The following SUPT20HL2 variants were observed in gnomAD, a reference collection of about 807,000 sequenced individuals.
SUPT20HL2 encodes SUPT20H like 2.
For synonymous variants in SUPT20HL2, 125 were observed against 51.6 expected (o/e 2.42, Z -6.10); for missense variants, 288 against 127.4 (o/e 2.26, Z -6.07).
In SUPT20HL2 at chrX:24,308,365, G is replaced by C. The variant is rs1178957625; in HGVS notation, c.*2497C>G. On this transcript the variant is annotated 3_prime_UTR_variant, in exon 1 of 1. Transcript: ENST00000486479. ...AAATTTGGTGACATACTGAATTCAG[G>C]TCACTGCTTAGCTCCGAAGGCCATG... The C allele has an allele frequency of 8.1e-6, 3 of 368,585 alleles. No homozygotes were observed. Among genetic ancestry groups the C allele is most frequent in the Admixed American group, 7.7e-5 (3 of 38,774 alleles). 30.4% of individuals were successfully genotyped at this position (368,585 alleles called of 1,213,427 possible). A position where few individuals can be genotyped will look rare whatever the true frequency, so the allele number is the denominator to read the frequency against.
chrX:24,309,746 G>GAAAAAAAAAAAAAAAAAA lies in SUPT20HL2; in HGVS notation c.*1098_*1115dup. On this transcript the variant is annotated 3_prime_UTR_variant, in exon 1 of 1. Transcript: ENST00000486479. Reference sequence around the variant, plus strand: ...AAAATAATAAAAATAAAAAAAAAAAGAAAAAAAAAAAAAAAAAAAAAAACA... The same window carrying GAAAAAAAAAAAAAAAAAA: ...AAAATAATAAAAATAAAAAAAAAAAGAAAAAAAAAAAAAAAAAAAAAAAAAAAAAAAAAAAAAAAAACA... Among the ~76,000 whole-genome samples the GAAAAAAAAAAAAAAAAAA allele has an allele frequency of 5.5e-4, 12 of 21,784 alleles. No individual in the cohort carries two copies. The highest frequency in any genetic ancestry group is 7.5e-4 in the Non-Finnish European group (11 of 14,579). 18.9% of individuals were successfully genotyped at this position (21,784 alleles called of 115,157 possible). A position where few individuals can be genotyped will look rare whatever the true frequency, so the allele number is the denominator to read the frequency against.
At position 24,312,440 on chromosome X, in the gene SUPT20HL2, C is replaced by T. The variant is rs148863411; in HGVS notation, c.876G>A (p.Thr292=). Residue 292 remains threonine, a synonymous_variant, in exon 1 of 1, where the codon ACG becomes ACA. Transcript: ENST00000486479. ...CCAAATCACAGGGTCTGCCTTTCCA[C>T]GTGTCTACACAACTTCCCGCTTTAG... ...NITKAGSCVD[T]WKGRPCDLAV... 0.015 allele frequency: 5,624 copies of T among 384,448 alleles called. 291 individuals are homozygous for T. Among genetic ancestry groups the T allele is most frequent in the African/African-American group, 0.13 (5,066 of 38,220 alleles). 31.7% of individuals were successfully genotyped at this position (384,448 alleles called of 1,213,427 possible).
chrX:24,314,044 G>C lies in SUPT20HL2; in HGVS notation c.-729C>G, dbSNP rs375203295. On this transcript the variant is annotated 5_prime_UTR_variant, in exon 1 of 1. Coordinates refer to ENST00000486479, the MANE Select transcript of SUPT20HL2 (RefSeq NM_001136233.3). Reference sequence around the variant, plus strand: ...GGGTGATTGTCGTGGCCTGGGCTTCGCGTCTCTGAGTGCTGCACCGGAAAT... The same window carrying C: ...GGGTGATTGTCGTGGCCTGGGCTTCCCGTCTCTGAGTGCTGCACCGGAAAT... 2.0e-4 allele frequency: 73 copies of C among 364,740 alleles called. No individual in the cohort carries two copies. The highest frequency in any genetic ancestry group is 3.4e-4 in the Non-Finnish European group (64 of 187,026). 30.1% of individuals were successfully genotyped at this position (364,740 alleles called of 1,213,427 possible).
Position 24,309,701 on chromosome X carries a change from AAATTAAAAAAAAAAAGAAAAAAATAAT to A in SUPT20HL2, c.*1134_*1160del. 2.4e-5 allele frequency among the ~76,000 whole-genome samples: 2 copies of A among 82,589 alleles called. No homozygotes were observed. Among genetic ancestry groups the A allele is most frequent in the Admixed American group, 1.4e-4 (1 of 7,389 alleles). The allele number at this position is 82,589 out of a possible 115,157, so 71.7% of individuals were successfully genotyped here. ...ATAAAAAAAAAAAAATTAAAAAAAA[AAATTAAAAAAAAAAAGAAAAAAATAAT>A]AAAAATAAAAAAAAAAAGAAAAAAA... On this transcript the variant is annotated 3_prime_UTR_variant, in exon 1 of 1. Coordinates refer to ENST00000486479, the MANE Select transcript of SUPT20HL2 (RefSeq NM_001136233.3).
Position 24,312,031 on chromosome X carries a change from G to A in SUPT20HL2, c.1285C>T (p.Pro429Ser). ...PGKMSHSSSG[P>S]ASVSQLSSWK... The stretch of plus-strand genomic sequence containing the variant: ...GAAGAGAGCTGACTGACACTGGCTG[G>A]GCCACTGGAGCTGTGTGACATCTTG... Residue 429 changes from proline (P) to serine (S), a missense_variant, in exon 1 of 1, where the codon CCA (proline) becomes TCA (serine). Transcript: ENST00000486479. 1 of 377,287 alleles carries A rather than the reference G, an allele frequency of 2.7e-6. No homozygotes were observed. The highest frequency in any genetic ancestry group is 5.3e-6 in the Non-Finnish European group (1 of 188,402). 31.1% of individuals were successfully genotyped at this position (377,287 alleles called of 1,213,427 possible). A position where few individuals can be genotyped will look rare whatever the true frequency, so the allele number is the denominator to read the frequency against.
rs762377253 is a variant in SUPT20HL2, at chrX:24,311,674, G to C, written c.1642C>G (p.Arg548Gly). 1 of 383,370 alleles carries C rather than the reference G, an allele frequency of 2.6e-6. No individual in the cohort carries two copies. The highest frequency in any genetic ancestry group is 5.2e-6 in the Non-Finnish European group (1 of 190,551). 31.6% of individuals were successfully genotyped at this position (383,370 alleles called of 1,213,427 possible). Residue 548 changes from arginine to glycine, a missense_variant, in exon 1 of 1, where the codon CGT (arginine) becomes GGT (glycine). Physicochemically the swap from Arg to Gly is moderately radical, Grantham distance 125. Transcript: ENST00000486479. Reference protein sequence around the residue: ...SVPLIKASRRRPAAGRPTRFV... With the variant: ...SVPLIKASRRGPAAGRPTRFV... ...CTGGTGGGGCGCCCGGCAGCTGGACGGCGCCTGCTAGCTTTAATAAGAGGC... is the reference window on the plus strand; with the variant it reads ...CTGGTGGGGCGCCCGGCAGCTGGACCGCGCCTGCTAGCTTTAATAAGAGGC...
In SUPT20HL2 at chrX:24,309,705, T is replaced by TAAAAAAAAAAAAAAAAAA. The variant is rs1157065397; in HGVS notation, c.*1156_*1157insTTTTTTTTTTTTTTTTTT. On this transcript the variant is annotated 3_prime_UTR_variant, in exon 1 of 1. Transcript: ENST00000486479. ...AAAAAAAAAAATTAAAAAAAAAAAT[T>TAAAAAAAAAAAAAAAAAA]AAAAAAAAAAAGAAAAAAATAATAA... is the stretch of plus-strand genomic sequence containing the variant. Among the ~76,000 whole-genome samples, 1 of 18,037 alleles carries TAAAAAAAAAAAAAAAAAA rather than the reference T, an allele frequency of 5.5e-5. No individual in the cohort carries two copies. The highest frequency in any genetic ancestry group is 9.0e-5 in the Non-Finnish European group (1 of 11,157). 15.7% of individuals were successfully genotyped at this position (18,037 alleles called of 115,157 possible).
rs1321863786 is a variant in SUPT20HL2, at chrX:24,313,423, A to G, written c.-108T>C. On this transcript the variant is annotated 5_prime_UTR_variant, in exon 1 of 1. Coordinates refer to ENST00000486479, the MANE Select transcript of SUPT20HL2 (RefSeq NM_001136233.3). ...ATCTACAGGCCCGCAAGACGCCGCA[A>G]GTCCACACTGAGTTCAACACGGGCA... 1.1e-3 allele frequency: 358 copies of G among 339,445 alleles called. 1 individual carries two copies. Among genetic ancestry groups the G allele is most frequent in the Middle Eastern group, 2.2e-3 (4 of 1,859 alleles). 28.0% of individuals were successfully genotyped at this position (339,445 alleles called of 1,213,427 possible).
In SUPT20HL2 at chrX:24,312,901, T is replaced by C. The variant is rs1391414493; in HGVS notation, c.415A>G (p.Ser139Gly). The C allele has an allele frequency of 2.6e-6, 1 of 381,930 alleles. No individual in the cohort carries two copies. Among genetic ancestry groups the C allele is most frequent in the Admixed American group, 2.6e-5 (1 of 38,889 alleles). The allele number at this position is 381,930 out of a possible 1,213,427, so 31.5% of individuals were successfully genotyped here. ...CGAACTTCTACTATGACACACCCACTATGAAAAATGTTAACCGAAGCTTTA... is the reference window on the plus strand; with the variant it reads ...CGAACTTCTACTATGACACACCCACCATGAAAAATGTTAACCGAAGCTTTA... Reference protein sequence around the residue: ...LDKASVNIFHSGCVIVEVRDY... With the variant: ...LDKASVNIFHGGCVIVEVRDY... The change falls in exon 1 of 1, where the codon AGT becomes GGT. Residue 139 changes from serine (S) to glycine (G), a missense_variant. By Grantham distance (56) the Ser-to-Gly change is moderately conservative (BLOSUM62 0). Transcript: ENST00000486479.
In SUPT20HL2 at chrX:24,309,734, T is replaced by TAAATA. The variant is rs1939099496; in HGVS notation, c.*1127_*1128insTATTT. Among the ~76,000 whole-genome samples the TAAATA allele has an allele frequency of 6.4e-5, 1 of 15,704 alleles. No individual in the cohort carries two copies. Among genetic ancestry groups the TAAATA allele is most frequent in the African/African-American group, 3.5e-4 (1 of 2,897 alleles). The allele number at this position is 15,704 out of a possible 115,157, so 13.6% of individuals were successfully genotyped here. A position where few individuals can be genotyped will look rare whatever the true frequency, so the allele number is the denominator to read the frequency against. ...AAAAAAAAGAAAAAAATAATAAAAA[T>TAAATA]AAAAAAAAAAAGAAAAAAAAAAAAA... On this transcript the variant is annotated 3_prime_UTR_variant, in exon 1 of 1. Coordinates refer to ENST00000486479, the MANE Select transcript of SUPT20HL2 (RefSeq NM_001136233.3).
rs1939098610 is a variant in SUPT20HL2 at position 24,309,728 on chromosome X, T to TAAAAAAAAAAAAAAAA, written c.*1133_*1134insTTTTTTTTTTTTTTTT. On this transcript the variant is annotated 3_prime_UTR_variant, in exon 1 of 1. Transcript: ENST00000486479. ...ATTAAAAAAAAAAAGAAAAAAATAA[T>TAAAAAAAAAAAAAAAA]AAAAATAAAAAAAAAAAGAAAAAAA... 2.3e-4 allele frequency among the ~76,000 whole-genome samples: 3 copies of TAAAAAAAAAAAAAAAA among 12,768 alleles called. No individual in the cohort carries two copies. The highest frequency in any genetic ancestry group is 1.5e-3 in the Admixed American group (1 of 686). 11.1% of individuals were successfully genotyped at this position (12,768 alleles called of 115,157 possible).
Position 24,311,186 on chromosome X carries a change from A to G in SUPT20HL2, c.2130T>C (p.Asn710=), listed in dbSNP as rs758673663. Residue 710 remains asparagine, a synonymous_variant, in exon 1 of 1, where the codon AAT becomes AAC. Transcript: ENST00000486479. ...CACTACCTGCTCCAGTGAGGTTCAC[A>G]TTAAGAAGTTGCTGAGCAGGGAAGG... is the stretch of plus-strand genomic sequence containing the variant. ...GQAFPAQQLL[N]VNLTGAGSGL... 7.8e-6 allele frequency: 3 copies of G among 382,954 alleles called. No homozygotes were observed. Among genetic ancestry groups the G allele is most frequent in the Non-Finnish European group, 1.6e-5 (3 of 191,298 alleles). The allele number at this position is 382,954 out of a possible 1,213,427, so 31.6% of individuals were successfully genotyped here.
rs1939096715 is a variant in SUPT20HL2 at position 24,309,708 on chromosome X, A to AAAAAAG, written c.*1153_*1154insCTTTTT. ...AAAAAAAATTAAAAAAAAAAATTAA[A>AAAAAAG]AAAAAAAAGAAAAAAATAATAAAAA... On this transcript the variant is annotated 3_prime_UTR_variant, in exon 1 of 1. Coordinates refer to ENST00000486479, the MANE Select transcript of SUPT20HL2 (RefSeq NM_001136233.3). 1.4e-5 allele frequency among the ~76,000 whole-genome samples: 1 copy of AAAAAAG among 72,961 alleles called. No homozygotes were observed. The highest frequency in any genetic ancestry group is 2.5e-5 in the Non-Finnish European group (1 of 39,882). The allele number at this position is 72,961 out of a possible 115,157, so 63.4% of individuals were successfully genotyped here.
At position 24,311,668 on chromosome X, in the gene SUPT20HL2, C is replaced by G. The variant is rs1349812935; in HGVS notation, c.1648G>C (p.Ala550Pro). 5.2e-6 allele frequency: 2 copies of G among 382,563 alleles called. No individual in the cohort carries two copies. The highest frequency in any genetic ancestry group is 1.0e-5 in the Non-Finnish European group (2 of 190,544). The allele number at this position is 382,563 out of a possible 1,213,427, so 31.5% of individuals were successfully genotyped here. The part of the protein sequence containing the change: ...PLIKASRRRP[A>P]AGRPTRFVKI... ...ACGAATCTGGTGGGGCGCCCGGCAGCTGGACGGCGCCTGCTAGCTTTAATA... is the reference window on the plus strand; with the variant it reads ...ACGAATCTGGTGGGGCGCCCGGCAGGTGGACGGCGCCTGCTAGCTTTAATA... Residue 550 changes from alanine to proline, a missense_variant, in exon 1 of 1, where the codon GCT (alanine) becomes CCT (proline). By Grantham distance (27) the Ala-to-Pro change is conservative. Transcript: ENST00000486479.
chrX:24,311,124 A>G lies in SUPT20HL2; in HGVS notation c.2192T>C (p.Leu731Pro). 2.7e-6 allele frequency: 1 copy of G among 371,436 alleles called. No homozygotes were observed. Among genetic ancestry groups the G allele is most frequent in the Non-Finnish European group, 5.4e-6 (1 of 184,794 alleles). 30.6% of individuals were successfully genotyped at this position (371,436 alleles called of 1,213,427 possible). ...QPQPQAAVLS[L>P]LGSAQVPQQG... ...CTGAGGAACCTGGGCAGAGCCAAGC[A>G]GACTCAACACAGCAGCCTGGGGCTG... Residue 731 changes from leucine (L) to proline (P), a missense_variant, in exon 1 of 1, where the codon CTG becomes CCG. Physicochemically the swap from Leu to Pro is moderately conservative, Grantham distance 98 (BLOSUM62 -3). Transcript: ENST00000486479.
rs1939099521 is a variant in SUPT20HL2 at position 24,309,734 on chromosome X, T to TAAAAAAAAGAAAAAAA, written c.*1127_*1128insTTTTTTTCTTTTTTTT. 6.4e-5 allele frequency among the ~76,000 whole-genome samples: 1 copy of TAAAAAAAAGAAAAAAA among 15,706 alleles called. No individual in the cohort carries two copies. The highest frequency in any genetic ancestry group is 3.4e-4 in the African/African-American group (1 of 2,899). 13.6% of individuals were successfully genotyped at this position (15,706 alleles called of 115,157 possible). On this transcript the variant is annotated 3_prime_UTR_variant, in exon 1 of 1. Coordinates refer to ENST00000486479, the MANE Select transcript of SUPT20HL2 (RefSeq NM_001136233.3). ...AAAAAAAAGAAAAAAATAATAAAAATAAAAAAAAAAAGAAAAAAAAAAAAA... is the reference window on the plus strand; with the variant it reads ...AAAAAAAAGAAAAAAATAATAAAAATAAAAAAAAGAAAAAAAAAAAAAAAAAAGAAAAAAAAAAAAA...
rs779429835 is a variant in SUPT20HL2 at position 24,313,865 on chromosome X, G to A, written c.-550C>T. 2 of 364,348 alleles carry A rather than the reference G, an allele frequency of 5.5e-6. No homozygotes were observed. The allele number at this position is 364,348 out of a possible 1,213,427, so 30.0% of individuals were successfully genotyped here. A position where few individuals can be genotyped will look rare whatever the true frequency, so the allele number is the denominator to read the frequency against. ...CATCGGTACCTGAGGGGTCGTCGTCGTGGTCGGACTTCGCGTCTCTGCGGC... is the reference window on the plus strand; with the variant it reads ...CATCGGTACCTGAGGGGTCGTCGTCATGGTCGGACTTCGCGTCTCTGCGGC... On this transcript the variant is annotated 5_prime_UTR_variant, in exon 1 of 1. In the 5' UTR this introduces an upstream ATG that the reference lacks. Coordinates refer to ENST00000486479, the MANE Select transcript of SUPT20HL2 (RefSeq NM_001136233.3).
In SUPT20HL2 at chrX:24,308,385, G is replaced by A. The variant is rs1987352269; in HGVS notation, c.*2477C>T. The A allele has an allele frequency of 5.6e-6, 2 of 356,934 alleles. No individual in the cohort carries two copies. Among genetic ancestry groups the A allele is most frequent in the South Asian group, 2.5e-5 (1 of 39,659 alleles). 29.4% of individuals were successfully genotyped at this position (356,934 alleles called of 1,213,427 possible). A position where few individuals can be genotyped will look rare whatever the true frequency, so the allele number is the denominator to read the frequency against. On this transcript the variant is annotated 3_prime_UTR_variant, in exon 1 of 1. Coordinates refer to ENST00000486479, the MANE Select transcript of SUPT20HL2 (RefSeq NM_001136233.3). Reference sequence around the variant, plus strand: ...TTCAGGTCACTGCTTAGCTCCGAAGGCCATGCATAAACTCTTCTCTACAAC... The same window carrying A: ...TTCAGGTCACTGCTTAGCTCCGAAGACCATGCATAAACTCTTCTCTACAAC...
rs1939154169 is a variant in SUPT20HL2, at chrX:24,313,446, G to T, written c.-131C>A. The T allele has an allele frequency of 2.9e-6, 1 of 340,570 alleles. No individual in the cohort carries two copies. The highest frequency in any genetic ancestry group is 5.8e-6 in the Non-Finnish European group (1 of 173,240). The allele number at this position is 340,570 out of a possible 1,213,427, so 28.1% of individuals were successfully genotyped here. A position where few individuals can be genotyped will look rare whatever the true frequency, so the allele number is the denominator to read the frequency against. On this transcript the variant is annotated 5_prime_UTR_variant, in exon 1 of 1. Transcript: ENST00000486479. ...CAAGTCCACACTGAGTTCAACACGG[G>T]CACCTGCCCAGAAACCCGCCCCCAG...
Sources: gnomAD v4.1 joint callset for allele counts (sites outside exome capture counted in the v4.1 genomes callset) on GRCh38, gnomAD v4.1.1 for gene constraint, MANE v1.5 for transcripts, NCBI Gene and HGNC (gene_info 2026-07-23, HGNC 2026-07-21) for gene names.